The following CCDC57 variants were observed in gnomAD, a reference collection of about 807,000 sequenced individuals.
CCDC57 encodes coiled-coil domain containing 57.
Under a neutral mutation model 118.9 loss-of-function variants are expected in CCDC57, and 118 were observed. That is an observed-to-expected ratio of 0.99 (90% CI 0.86 to 1.16). The LOEUF is 1.16. Ranked by LOEUF, CCDC57 falls within the 50% of genes most tolerant of loss-of-function variation. CCDC57 has a pLI of 0.00. For synonymous variants in CCDC57, 527 were observed against 532.9 expected (o/e 0.99, Z 0.15); for missense variants, 1,300 against 1,320.7 (o/e 0.98, Z 0.24).
intron 19 of CCDC57, chr17:82,127,290 G>A (rs1317405019): frequency 1.0e-6 from 1 of 985,226 alleles, no homozygotes; most frequent in Admixed American, 6.1e-5. Flanking sequence ...GGGTCGACCT[G>A]GCTCTTCCCC....
In CCDC57 at chr17:82,189,867, G is replaced by A. The variant is rs371615432; in HGVS notation, c.852-1448C>T. Among the ~76,000 whole-genome samples, 194 of 152,100 alleles carry A rather than the reference G, an allele frequency of 1.3e-3. 2 individuals are homozygous for A. The highest frequency in any genetic ancestry group is 4.0e-3 in the African/African-American group (168 of 41,488). On this transcript the variant is annotated intron_variant, in intron 7 of 19. Coordinates refer to ENST00000665763, the Ensembl canonical transcript of CCDC57. ...TCTACTAAAAATACAAAAATTAGCC[G>A]GGCATGGTGGCATGCGCCTGTAATC...
chr17:82,103,634 G>C (rs545848243), intron 19 of CCDC57, among the ~76,000 whole-genome samples: 1 of 152,376 alleles, frequency 6.6e-6, no homozygotes, highest in East Asian at 1.9e-4. Context: ...GTAATGCTCA[G>C]GGATTCTGGG....
At position 82,157,519 on chromosome 17, in the gene CCDC57, G is replaced by A; in HGVS notation, c.2241+229C>T. On this transcript the variant is annotated intron_variant, in intron 15 of 19. Transcript: ENST00000665763. The stretch of plus-strand genomic sequence containing the variant: ...GGGCCCGTCCCGCCCCCCACCAACG[G>A]GGCATCAAGGTGAAGGACCAGGAGA... The A allele has an allele frequency of 1.4e-6, 2 of 1,423,738 alleles. 1 individual carries two copies. The highest frequency in any genetic ancestry group is 5.2e-4 in the Middle Eastern group (2 of 3,856). The allele number at this position is 1,423,738 out of a possible 1,614,324, so 88.2% of individuals were successfully genotyped here.
intron 4 of CCDC57, 23 bp from the exon 4 acceptor site, chr17:82,195,387 T>G: frequency 6.4e-7 from 1 of 1,560,920 alleles, no homozygotes; most frequent in Non-Finnish European, 8.7e-7. Context: ...GGTTTCATGA[T>G]GAAAGAACAG....
rs778373349 is a variant in CCDC57 at position 82,101,721 on chromosome 17, C to A, written c.3045G>T (p.Gln1015His). The change falls in exon 20 of 20, where the codon CAG (glutamine) becomes CAT (histidine). Residue 1015 changes from glutamine (Q) to histidine (H), a missense_variant. Transcript: ENST00000665763. The stretch of plus-strand genomic sequence containing the variant: ...TGTAGTTACGGATCTTGGGGGGCCT[C>A]TGGCAGCCTTTAGCTTTTGCAGGAT... The A allele has an allele frequency of 9.3e-5, 149 of 1,607,518 alleles. 2 individuals are homozygous for A. The Middle Eastern group carries it at 2.6e-3, about 28-fold the overall frequency.
chr17:82,175,016 C>T (rs1345552527), intron 11 of CCDC57, among the ~76,000 whole-genome samples: 3 of 152,302 alleles, frequency 2.0e-5, no homozygotes, highest in Non-Finnish European at 4.4e-5. Flanking sequence ...AACTGCCCAC[C>T]GCAGTGCCGT....
Position 82,172,555 on chromosome 17 carries a change from G to A in CCDC57, c.1729+83C>T. 1.6e-6 allele frequency: 2 copies of A among 1,217,972 alleles called. No homozygotes were observed. Among genetic ancestry groups the A allele is most frequent in the Non-Finnish European group, 2.4e-6 (2 of 848,388 alleles). 75.4% of individuals were successfully genotyped at this position (1,217,972 alleles called of 1,614,324 possible). A position where few individuals can be genotyped will look rare whatever the true frequency, so the allele number is the denominator to read the frequency against. On this transcript the variant is annotated intron_variant, in intron 12 of 19. Coordinates refer to ENST00000665763, the Ensembl canonical transcript of CCDC57. This position sits in a 1 kb window ranked among gnomAD's most constrained non-coding sequence, Gnocchi z 5.2. ...CTGAAATGAAGCCTCCTTGAAGCCA[G>A]TCAAGACCCATGCTCCCGTCTGTCC...
chr17:82,129,947 A>G (rs1050067615), intron 17 of CCDC57, among the ~76,000 whole-genome samples: 4 of 151,954 alleles, frequency 2.6e-5, no homozygotes, highest in Non-Finnish European at 4.4e-5. Context: ...CTGTAACCCT[A>G]GCACTTTGGG....
chr17:82,176,865 G>A (rs1189811188), intron 11 of CCDC57, among the ~76,000 whole-genome samples: 1 of 147,368 alleles, frequency 6.8e-6, no homozygotes, highest in African/African-American at 2.5e-5. Flanking sequence ...TTTTTTTCCT[G>A]CTTCTAGGAT....
chr17:82,201,884 A>ACTC lies in CCDC57; in HGVS notation c.58_60dup (p.Glu20dup). ...GTGCGGTGTGCCTGCAGCGCCCTCC[A>ACTC]CTCCTCCTCCTTGCGAAGCAGCAGC... On this transcript the variant is annotated inframe_insertion, in exon 3 of 20. Coordinates refer to ENST00000665763, the Ensembl canonical transcript of CCDC57. 1.9e-6 allele frequency: 3 copies of ACTC among 1,609,136 alleles called. No homozygotes were observed. The South Asian group carries it at 3.3e-5, about 18-fold the overall frequency.
At chr17:82,131,087 A>C (rs1281456214) in intron 17 of CCDC57, among the ~76,000 whole-genome samples, 1 of 149,834 alleles carries the variant, frequency 6.7e-6, no homozygotes, top group Admixed American at 6.6e-5. Flanking sequence ...TGCTGGGATT[A>C]CAGGCATGAG....
chr17:82,138,147 CTTT>C (rs569568425), intron 16 of CCDC57, among the ~76,000 whole-genome samples: 46,862 of 117,206 alleles, frequency 0.4, 8,685 homozygotes, highest in East Asian at 0.82. Flanking sequence ...AGGAGGATCT[CTTT>C]TTTTTTTTTT....
chr17:82,107,562 C>T lies in CCDC57; in HGVS notation c.2900-5696G>A, dbSNP rs59960805. 2.3e-3 allele frequency: 1,084 copies of T among 470,912 alleles called. 11 individuals are homozygous for T. The highest frequency in any genetic ancestry group is 4.3e-3 in the East Asian group (62 of 14,392). The allele number at this position is 470,912 out of a possible 1,614,324, so 29.2% of individuals were successfully genotyped here. On this transcript the variant is annotated intron_variant, in intron 19 of 19. Coordinates refer to ENST00000665763, the Ensembl canonical transcript of CCDC57. Reference sequence around the variant, plus strand: ...GGTGCGTGCTTCTGGACCTGGCGCTCGGCACACTGTGAGGATGGGCGGATG... The same window carrying T: ...GGTGCGTGCTTCTGGACCTGGCGCTTGGCACACTGTGAGGATGGGCGGATG...
chr17:82,102,890 A>C lies in CCDC57; in HGVS notation c.2900-1024T>G, dbSNP rs548364728. 2.3e-4 allele frequency among the ~76,000 whole-genome samples: 35 copies of C among 151,840 alleles called. 2 individuals are homozygous for C. In the South Asian group the frequency reaches 7.1e-3, roughly 31 times the overall value. On this transcript the variant is annotated intron_variant, in intron 19 of 19. Transcript: ENST00000665763. ...GACAAGGGCAAACTCTATCTCAAAA[A>C]AAAAAAAAACAAAAAAAACCCCACA...
intron 19 of CCDC57, among the ~76,000 whole-genome samples, chr17:82,125,048 C>T (rs568491506): frequency 4.6e-5 from 7 of 152,104 alleles, no homozygotes; most frequent in Admixed American, 4.6e-4. Flanking sequence ...CGGAGTGGGA[C>T]GCGGCTGCGT....
intron 15 of CCDC57, chr17:82,157,388 G>GC: frequency 8.8e-7 from 1 of 1,135,828 alleles, no homozygotes; most frequent in Non-Finnish European, 1.1e-6. Context: ...GCACGCAGAC[G>GC]CCCCCTCAGC....
chr17:82,153,302 A>G (rs987281915), intron 15 of CCDC57: 1 of 152,266 alleles, frequency 6.6e-6, no homozygotes, highest in Non-Finnish European at 1.5e-5. Flanking sequence ...ACAGGAACAC[A>G]CTGGGTTATT....
At chr17:82,169,136 A>AT (rs1599103997) in intron 13 of CCDC57, among the ~76,000 whole-genome samples, 1 of 151,806 alleles carries the variant, frequency 6.6e-6, no homozygotes, top group Non-Finnish European at 1.5e-5. Context: ...ATTTTACTTT[A>AT]TTTTTTTTGA....
At chr17:82,164,222 A>AAT (rs1273674241) in intron 13 of CCDC57, among the ~76,000 whole-genome samples, 2 of 152,058 alleles carry the variant, frequency 1.3e-5, no homozygotes, top group East Asian at 3.8e-4. Context: ...CTAAAAAAAA[A>AAT]ATACAAAAAT....
Sources: allele counts gnomAD v4.1 joint callset (sites outside exome capture counted in the v4.1 genomes callset), GRCh38; gene constraint gnomAD v4.1.1; non-coding constraint Gnocchi (gnomAD v3.1); transcripts MANE v1.5; gene names NCBI Gene and HGNC (gene_info 2026-07-23, HGNC 2026-07-21).